Variants in PHC2 observed in about 807,000 individuals in gnomAD.
The protein encoded by PHC2 is polyhomeotic-like protein 2.
A neutral mutation model predicts 87.4 loss-of-function variants in PHC2; 29 were observed. The ratio of observed to expected loss-of-function variants is 0.33; its 90% CI spans 0.25 to 0.45. The LOEUF (loss-of-function observed/expected upper bound fraction) is 0.45, where lower values mean the gene tolerates loss of function less well. Ranked by LOEUF, PHC2 falls within the 20% of genes least tolerant of loss-of-function variation. The pLI, the probability that PHC2 is intolerant of heterozygous loss-of-function variation, is 1.00. For missense variants in PHC2, 857 were observed against 1,136.7 expected, an observed-to-expected ratio of 0.75 and a Z score of 3.54; for synonymous variants, 438 against 461.7, an observed-to-expected ratio of 0.95 and a Z score of 0.66.
chr1:33,425,976 A>G (rs1385304386), intron 1 of PHC2, among the ~76,000 whole-genome samples: 7 of 152,222 alleles, frequency 4.6e-5, no homozygotes, highest in African/African-American at 1.7e-4. Context: ...CCACAAAGGA[A>G]TCCAGGTTGG....
chr1:33,427,228 T>C (rs1650709593), intron 1 of PHC2, among the ~76,000 whole-genome samples: 1 of 152,162 alleles, frequency 6.6e-6, no homozygotes, highest in African/African-American at 2.4e-5. Context: ...ACAAAGAGCT[T>C]AGCACGATGC....
intron 1 of PHC2, among the ~76,000 whole-genome samples, chr1:33,391,110 G>A (rs1649033980): frequency 6.6e-6 from 1 of 152,164 alleles, no homozygotes. Flanking sequence ...GTCCACAGTG[G>A]TTCTCAGACT....
At chr1:33,357,420 A>G (rs1647111664) in intron 7 of PHC2, among the ~76,000 whole-genome samples, 1 of 152,192 alleles carries the variant, frequency 6.6e-6, no homozygotes, top group Non-Finnish European at 1.5e-5. Context: ...AGGAATGGAA[A>G]GGACAGAAAT....
chr1:33,349,884 G>C lies in PHC2; in HGVS notation c.1558+4517C>G, dbSNP rs1646931230. The stretch of plus-strand genomic sequence containing the variant: ...CGGCGGGCGCTCGAGGGCTGCAGCC[G>C]CCGCGGAGACAATGCGGCGAGTCTG... On this transcript the variant is annotated intron_variant, in intron 9 of 14. Coordinates refer to ENST00000683057, the MANE Select transcript of PHC2 (RefSeq NM_001385109.1). The surrounding 1 kb of genome is among the most constrained non-coding windows in gnomAD (Gnocchi z 4.2). 1 of 977,528 alleles carries C rather than the reference G, an allele frequency of 1.0e-6. No homozygotes were observed. The highest frequency in any genetic ancestry group is 1.8e-5 in the African/African-American group (1 of 56,154). The allele number at this position is 977,528 out of a possible 1,614,324, so 60.6% of individuals were successfully genotyped here.
intron 9 of PHC2, among the ~76,000 whole-genome samples, chr1:33,338,317 G>T (rs539167474): frequency 6.6e-6 from 1 of 152,222 alleles, no homozygotes; most frequent in African/African-American, 2.4e-5. Flanking sequence ...TTAAGAGAGA[G>T]AACACACTAA....
intron 9 of PHC2, among the ~76,000 whole-genome samples, chr1:33,337,916 A>C (rs903861521): frequency 4.6e-5 from 7 of 152,228 alleles, no homozygotes; most frequent in Admixed American, 3.3e-4. Context: ...TCTGACTGAG[A>C]GCATAGGTAG....
At chr1:33,412,636 A>C (rs1650029454) in intron 1 of PHC2, among the ~76,000 whole-genome samples, 1 of 152,208 alleles carries the variant, frequency 6.6e-6, no homozygotes, top group Non-Finnish European at 1.5e-5. Flanking sequence ...TCACTAATAC[A>C]GTGCCAGATA....
chr1:33,338,366 T>C (rs74067005), intron 9 of PHC2, among the ~76,000 whole-genome samples: 4,086 of 152,284 alleles, frequency 0.027, 61 homozygotes, highest in Middle Eastern at 0.048. Context: ...CACTCCCCAT[T>C]GTAACCCAGG....
chr1:33,393,798 T>G (rs2336120), intron 1 of PHC2, among the ~76,000 whole-genome samples: 26,198 of 68,016 alleles, frequency 0.39, 2,783 homozygotes, highest in South Asian at 0.45. Flanking sequence ...TCAGCCCACA[T>G]CACCATCAGG....
At chr1:33,400,382 GTATT>G (rs1649475133) in intron 1 of PHC2, among the ~76,000 whole-genome samples, 1 of 152,186 alleles carries the variant, frequency 6.6e-6, no homozygotes, top group African/African-American at 2.4e-5. Context: ...AACAAATCAA[GTATT>G]TATCAGTAGC....
intron 7 of PHC2, among the ~76,000 whole-genome samples, chr1:33,356,259 A>G (rs1185081172): frequency 1.2e-5 from 1 of 84,556 alleles, no homozygotes; most frequent in East Asian, 3.5e-4. Flanking sequence ...TTATATATAT[A>G]TATATATATA....
At chr1:33,401,958 CAAGAA>C (rs957921089) in intron 1 of PHC2, among the ~76,000 whole-genome samples, 1 of 151,926 alleles carries the variant, frequency 6.6e-6, no homozygotes, top group Non-Finnish European at 1.5e-5. Flanking sequence ...ATATTTTAAA[CAAGAA>C]AAGACTGATA....
intron 3 of PHC2, among the ~76,000 whole-genome samples, 189 bp downstream of exon 3, chr1:33,372,100 C>T (rs1420299354): frequency 6.6e-6 from 1 of 152,250 alleles, no homozygotes; most frequent in East Asian, 1.9e-4. Flanking sequence ...TCACTAGCTG[C>T]ATGACCCTGG....
intron 1 of PHC2, among the ~76,000 whole-genome samples, chr1:33,393,425 T>C (rs991912522): frequency 6.6e-6 from 1 of 151,322 alleles, no homozygotes; most frequent in African/African-American, 2.4e-5. Context: ...AACAAAACAA[T>C]GAGAGAAGCC....
intron 1 of PHC2, among the ~76,000 whole-genome samples, chr1:33,383,911 G>T (rs12127771): frequency 0.2 from 30,990 of 151,922 alleles, 3,194 homozygotes; most frequent in South Asian, 0.25. Context: ...CTCAGGGGGA[G>T]CATGGCCCTG....
chr1:33,365,802 G>A (rs1203670430), intron 7 of PHC2, among the ~76,000 whole-genome samples: 1 of 152,218 alleles, frequency 6.6e-6, no homozygotes, highest in African/African-American at 2.4e-5. Flanking sequence ...GAGGGATTTT[G>A]ACCCCGTTTC....
chr1:33,332,299 C>G lies in PHC2; in HGVS notation c.1867G>C (p.Glu623Gln). The G allele has an allele frequency of 1.2e-6, 2 of 1,614,162 alleles. No homozygotes were observed. The highest frequency in any genetic ancestry group is 1.7e-6 in the Non-Finnish European group (2 of 1,180,022). Residue 623 changes from glutamate to glutamine, a missense_variant, in exon 11 of 15, where the codon GAG becomes CAG. By Grantham distance (29) the Glu-to-Gln change is conservative. Coordinates refer to ENST00000683057, the MANE Select transcript of PHC2 (RefSeq NM_001385109.1). This position sits in a 1 kb window ranked among gnomAD's most constrained non-coding sequence, Gnocchi z 4.2. ...QQDHTTTTDS[E>Q]MEEPYLQESK... ...CCTTGCAGATAGGGCTCCTCCATCTCCGAGTCAGTGGTGGTGGTGTGATCC... is the reference window on the plus strand; with the variant it reads ...CCTTGCAGATAGGGCTCCTCCATCTGCGAGTCAGTGGTGGTGGTGTGATCC...
chr1:33,330,308 G>C, intron 12 of PHC2, 96 bp from the exon 13 acceptor site: 1 of 1,358,934 alleles, frequency 7.4e-7, no homozygotes, highest in Non-Finnish European at 1.0e-6. Flanking sequence ...CAAATTTTGA[G>C]TCCATCTATT....
At chr1:33,389,489 A>T (rs997555512) in intron 1 of PHC2, among the ~76,000 whole-genome samples, 2 of 152,040 alleles carry the variant, frequency 1.3e-5, no homozygotes, top group African/African-American at 4.8e-5. Flanking sequence ...GCTTTGGCCC[A>T]GCCACCACTT....
Sources: allele counts gnomAD v4.1 joint callset (sites outside exome capture counted in the v4.1 genomes callset), GRCh38; gene constraint gnomAD v4.1.1; non-coding constraint Gnocchi (gnomAD v3.1); transcripts MANE v1.5; gene names NCBI Gene and HGNC (gene_info 2026-07-23, HGNC 2026-07-21).